The following C8B variants were observed in gnomAD, a reference collection of about 807,000 sequenced individuals.
The protein encoded by C8B is complement component C8 beta chain.
Under a neutral mutation model 64.6 loss-of-function variants are expected in C8B, and 67 were observed. The ratio of observed to expected loss-of-function variants is 1.04; its 90% CI spans 0.85 to 1.27. The LOEUF is 1.27. C8B is among the 50% of genes most tolerant of loss of function. The pLI is 0.00. For synonymous variants in C8B, 284 were observed against 257.7 expected (o/e 1.10, Z -0.98); for missense variants, 790 against 725.2 (o/e 1.09, Z -1.03).
chr1:56,956,676 G>T, intron 3 of C8B, 93 bp downstream of exon 3: 1 of 1,424,114 alleles, frequency 7.0e-7, no homozygotes, highest in Non-Finnish European at 9.8e-7. Flanking sequence ...CCATGACCCT[G>T]ATCTTGAGCA....
At chr1:56,929,656 G>C in intron 11 of C8B, 98 bp from the exon 12 acceptor site, 1 of 1,165,342 alleles carries the variant, frequency 8.6e-7, no homozygotes, top group East Asian at 2.4e-5. Context: ...GGCTTTGGGA[G>C]TCTGAATCTC....
intron 8 of C8B, among the ~76,000 whole-genome samples, chr1:56,941,509 C>CATAGATAGATAG (rs200918831): frequency 1.2e-3 from 101 of 86,780 alleles, no homozygotes; most frequent in Admixed American, 3.6e-3. Context: ...TAGATAGATA[C>CATAGATAGATAG]ATAGATAGAT....
chr1:56,961,716 A>G (rs1365991024), intron 1 of C8B, among the ~76,000 whole-genome samples: 2 of 152,218 alleles, frequency 1.3e-5, no homozygotes, highest in Non-Finnish European at 2.9e-5. Context: ...AAGGTCATTA[A>G]CAATATGTTC....
intron 10 of C8B, 55 bp downstream of exon 10, chr1:56,933,280 G>C (rs982214651): frequency 1.4e-6 from 2 of 1,481,344 alleles, no homozygotes; most frequent in South Asian, 1.1e-5. Context: ...GCTGGCCCCC[G>C]GCCTGCTTCA....
At chr1:56,965,036 G>A (rs960187635) in intron 1 of C8B, among the ~76,000 whole-genome samples, 1 of 152,228 alleles carries the variant, frequency 6.6e-6, no homozygotes, top group African/African-American at 2.4e-5. Context: ...GAGACCAGAG[G>A]CTGTGTCCCA....
intron 8 of C8B, among the ~76,000 whole-genome samples, chr1:56,943,182 A>G (rs1644890399): frequency 2.0e-5 from 3 of 152,214 alleles, no homozygotes. Flanking sequence ...ATTTTAGAAA[A>G]CAGCTTAGCA....
intron 1 of C8B, among the ~76,000 whole-genome samples, chr1:56,961,952 C>T (rs2101469632): frequency 6.6e-6 from 1 of 152,262 alleles, no homozygotes; most frequent in East Asian, 1.9e-4. Context: ...TACTAATTTG[C>T]CCAGGTTTGA....
At chr1:56,945,453 A>C (rs1009265075) in intron 7 of C8B, among the ~76,000 whole-genome samples, 2 of 152,216 alleles carry the variant, frequency 1.3e-5, no homozygotes, top group Non-Finnish European at 2.9e-5. Flanking sequence ...CTTTGGGCAC[A>C]TGTTCAGCTG....
At chr1:56,964,771 C>G (rs564068580) in intron 1 of C8B, among the ~76,000 whole-genome samples, 1 of 152,176 alleles carries the variant, frequency 6.6e-6, no homozygotes, top group African/African-American at 2.4e-5. Context: ...ACAGAAAGCT[C>G]CACCCAGGGG....
chr1:56,949,894 G>T (rs1241127176), intron 5 of C8B, 142 bp from the exon 6 acceptor site: 2 of 681,970 alleles, frequency 2.9e-6, no homozygotes, highest in South Asian at 3.3e-5. Context: ...GGGCCGATTT[G>T]TGTCCCCACC....
chr1:56,942,673 C>T (rs1391955678), intron 8 of C8B, among the ~76,000 whole-genome samples: 1 of 152,070 alleles, frequency 6.6e-6, no homozygotes, highest in Non-Finnish European at 1.5e-5. Context: ...CACTGCACTC[C>T]AGCCTGGGTG....
intron 1 of C8B, among the ~76,000 whole-genome samples, chr1:56,965,396 A>AGTGTGT (rs762224735): frequency 8.3e-4 from 70 of 83,966 alleles, no homozygotes; most frequent in Middle Eastern, 0.013. Flanking sequence ...AGAGAGAGAG[A>AGTGTGT]GAGTGTGTGT....
At chr1:56,944,942 T>A (rs566849678) in intron 7 of C8B, among the ~76,000 whole-genome samples, 1 of 152,224 alleles carries the variant, frequency 6.6e-6, no homozygotes, top group East Asian at 1.9e-4. Context: ...GCAGCAGACT[T>A]GTAGTTGACT....
At chr1:56,955,144 TG>T (rs1391624197) in intron 3 of C8B, among the ~76,000 whole-genome samples, 1 of 152,124 alleles carries the variant, frequency 6.6e-6, no homozygotes, top group South Asian at 2.1e-4. Flanking sequence ...ACTTTTCTCT[TG>T]TTACTTAACC....
intron 6 of C8B, among the ~76,000 whole-genome samples, chr1:56,946,613 A>G (rs1025829830): frequency 5.9e-5 from 9 of 152,214 alleles, no homozygotes; most frequent in African/African-American, 2.2e-4. Context: ...TCACACTCCA[A>G]TGGCAGTGTT....
intron 9 of C8B, among the ~76,000 whole-genome samples, chr1:56,934,943 G>A (rs1644755103): frequency 6.6e-6 from 1 of 152,188 alleles, no homozygotes; most frequent in Non-Finnish European, 1.5e-5. Context: ...GCTGCAGGAG[G>A]CAGAGGAAAT....
chr1:56,965,783 G>A, intron 1 of C8B, 74 bp downstream of exon 1: 1 of 1,524,608 alleles, frequency 6.6e-7, no homozygotes, highest in Non-Finnish European at 9.1e-7. Flanking sequence ...GCAACAAAGA[G>A]ATGGTCAGCA....
intron 11 of C8B, among the ~76,000 whole-genome samples, chr1:56,929,806 G>A (rs1048232278): frequency 2.6e-5 from 4 of 152,002 alleles, no homozygotes; most frequent in African/African-American, 7.3e-5. Flanking sequence ...TTCACCCCTC[G>A]GATCTCAGTA....
At chr1:56,946,840 T>C (rs921703759) in intron 6 of C8B, among the ~76,000 whole-genome samples, 4 of 152,196 alleles carry the variant, frequency 2.6e-5, no homozygotes, top group African/African-American at 7.2e-5. Context: ...GGCAAACGCC[T>C]GTGAGATATG....
Sources: allele counts gnomAD v4.1 joint callset (sites outside exome capture counted in the v4.1 genomes callset), GRCh38; gene constraint gnomAD v4.1.1; transcripts MANE v1.5; gene names NCBI Gene and HGNC (gene_info 2026-07-23, HGNC 2026-07-21).